MS4A2: variants seen among roughly 807,000 people sequenced by gnomAD.
The protein encoded by MS4A2 is membrane spanning 4-domains A2.
A neutral mutation model predicts 27.9 loss-of-function variants in MS4A2; 26 were observed. That is an observed-to-expected ratio of 0.93 (90% confidence interval 0.68 to 1.29). MS4A2 has a LOEUF of 1.29. Among genes scored for constraint, MS4A2 ranks in the 50% most tolerant of loss-of-function variants. MS4A2 has a pLI of 0.00. For synonymous variants in MS4A2, 110 were observed against 98.8 expected, an observed-to-expected ratio of 1.11 and a Z score of -0.67; for missense variants, 284 against 284.6, an observed-to-expected ratio of 1.00 and a Z score of 0.01.
chr11:60,089,884 TG>T, intron 2 of MS4A2, 63 bp downstream of exon 2: 1 of 1,598,838 alleles, frequency 6.3e-7, no homozygotes, highest in African/African-American at 1.3e-5. Context: ...AATATTGAGT[TG>T]CATCAACTGT....
At chr11:60,088,545 G>A (rs1397156309), upstream of MS4A2, 1 of 1,290,536 alleles carries the variant, frequency 7.7e-7, no homozygotes, top group East Asian at 2.8e-5. Flanking sequence ...TCTTTATTTA[G>A]TAGACTTCTT....
chr11:60,089,165 ATACT>A (rs1855711152), intron 1 of MS4A2, among the ~76,000 whole-genome samples: 1 of 152,108 alleles, frequency 6.6e-6, no homozygotes, highest in African/African-American at 2.4e-5. Context: ...GCTTTTATAA[ATACT>A]TGATAAAGTA....
rs1855883958 is a variant in MS4A2 at position 60,097,175 on chromosome 11, A to G, written c.*1519A>G. 1.3e-5 allele frequency: 2 copies of G among 152,248 alleles called. No homozygotes were observed. The highest frequency in any genetic ancestry group is 2.1e-4 in the South Asian group (1 of 4,838). 9.4% of individuals were successfully genotyped at this position (152,248 alleles called of 1,614,324 possible). A position where few individuals can be genotyped will look rare whatever the true frequency, so the allele number is the denominator to read the frequency against. Reference sequence around the variant, plus strand: ...AAGCTAAGCTAAACTTCACATGCCTATAATTGGAGGGAAAAACTAAGGATA... The same window carrying G: ...AAGCTAAGCTAAACTTCACATGCCTGTAATTGGAGGGAAAAACTAAGGATA... On this transcript the variant is annotated 3_prime_UTR_variant, in exon 7 of 7. Coordinates refer to ENST00000278888, the MANE Select transcript of MS4A2 (RefSeq NM_000139.5).
Position 60,097,295 on chromosome 11 carries a change from A to G in MS4A2, c.*1639A>G, listed in dbSNP as rs950651107. ...CAAAATAGAGAAAGATTAGATAAAG[A>G]GAAAATAAGTATCCATCAGAGACAG... On this transcript the variant is annotated 3_prime_UTR_variant, in exon 7 of 7. Coordinates refer to ENST00000278888, the MANE Select transcript of MS4A2 (RefSeq NM_000139.5). The G allele has an allele frequency of 1.3e-5, 2 of 152,236 alleles. No homozygotes were observed. Among genetic ancestry groups the G allele is most frequent in the African/African-American group, 4.8e-5 (2 of 41,464 alleles). The allele number at this position is 152,236 out of a possible 1,614,324, so 9.4% of individuals were successfully genotyped here.
At chr11:60,088,327 G>T (rs1474086663), upstream of MS4A2, 3 of 200,580 alleles carry the variant, frequency 1.5e-5, no homozygotes, top group Non-Finnish European at 3.0e-5. Flanking sequence ...TTTCAAAGGT[G>T]CAATTGGATA....
Position 60,088,769 on chromosome 11 carries a change from G to A in MS4A2, c.4G>A (p.Asp2Asn), listed in dbSNP as rs1299232939. ...GGACAGCTCGGTTAATGAAAAAATG[G>A]ACACAGAAAGTAATAGGAGAGCAAA... MDTESNRRANLA... is the reference protein window; with the variant it reads MNTESNRRANLA... Residue 2 changes from aspartate to asparagine, a missense_variant, in exon 1 of 7, where the codon GAC becomes AAC. By Grantham distance (23) the Asp-to-Asn change is conservative. Coordinates refer to ENST00000278888, the MANE Select transcript of MS4A2 (RefSeq NM_000139.5). 4.3e-6 allele frequency: 7 copies of A among 1,611,634 alleles called. No individual in the cohort carries two copies. In the South Asian group the frequency reaches 6.6e-5, roughly 15 times the overall value.
At chr11:60,095,186 C>T (rs986432279) in intron 6 of MS4A2, among the ~76,000 whole-genome samples, 6 of 152,120 alleles carry the variant, frequency 3.9e-5, no homozygotes, top group East Asian at 1.9e-4. Context: ...TGCTTGAACC[C>T]GGGAGGCGGA....
At position 60,098,256 on chromosome 11, in the gene MS4A2, C is replaced by T. The variant is rs549266897; in HGVS notation, c.*2600C>T. Reference sequence around the variant, plus strand: ...GGGGTTCTCTTCACACTATCACTGCCCCAAATTGTCTTTCTAAATTTCAAC... The same window carrying T: ...GGGGTTCTCTTCACACTATCACTGCTCCAAATTGTCTTTCTAAATTTCAAC... On this transcript the variant is annotated 3_prime_UTR_variant, in exon 7 of 7. Coordinates refer to ENST00000278888, the MANE Select transcript of MS4A2 (RefSeq NM_000139.5). 1 of 152,282 alleles carries T rather than the reference C, an allele frequency of 6.6e-6. No homozygotes were observed. Among genetic ancestry groups the T allele is most frequent in the African/African-American group, 2.4e-5 (1 of 41,546 alleles). The allele number at this position is 152,282 out of a possible 1,614,324, so 9.4% of individuals were successfully genotyped here. A position where few individuals can be genotyped will look rare whatever the true frequency, so the allele number is the denominator to read the frequency against.
chr11:60,094,859 G>A (rs1403169156), intron 6 of MS4A2, among the ~76,000 whole-genome samples: 3 of 152,084 alleles, frequency 2.0e-5, no homozygotes, highest in Non-Finnish European at 2.9e-5. Context: ...AAACAGAAAA[G>A]GAAACATTAG....
chr11:60,089,898 T>A, intron 2 of MS4A2, 77 bp downstream of exon 2: 1 of 1,583,072 alleles, frequency 6.3e-7, no homozygotes, highest in Non-Finnish European at 8.6e-7. Flanking sequence ...TCAACTGTTT[T>A]CCCACTTGGA....
intron 3 of MS4A2, 62 bp downstream of exon 3, chr11:60,090,532 G>C (rs1356333400): frequency 1.3e-6 from 2 of 1,499,326 alleles, no homozygotes; most frequent in South Asian, 1.2e-5. Flanking sequence ...CTCTTTCTCA[G>C]ATCTAACCAG....
Position 60,089,726 on chromosome 11 carries a change from C to G in MS4A2, c.91C>G (p.Gln31Glu). ...PAFEVLEISP[Q>E]EVSSGRLLKS... is the part of the protein sequence containing the mutation. ...ATTTGAAGTCTTGGAAATATCTCCC[C>G]AGGAAGTATCTTCAGGCAGACTATT... The change falls in exon 2 of 7, where the codon CAG becomes GAG. Residue 31 changes from glutamine to glutamate, a missense_variant. Coordinates refer to ENST00000278888, the MANE Select transcript of MS4A2 (RefSeq NM_000139.5). 1 of 1,614,168 alleles carries G rather than the reference C, an allele frequency of 6.2e-7. No homozygotes were observed. The highest frequency in any genetic ancestry group is 8.5e-7 in the Non-Finnish European group (1 of 1,180,014).
chr11:60,089,954 G>A (rs778051046), intron 2 of MS4A2, 133 bp downstream of exon 2: 5 of 1,173,880 alleles, frequency 4.3e-6, no homozygotes, highest in Non-Finnish European at 5.9e-6. Context: ...TAGATAAAGA[G>A]TTGACACTAA....
Position 60,095,690 on chromosome 11 carries a change from C to A in MS4A2, c.*34C>A. 1 of 1,459,476 alleles carries A rather than the reference C, an allele frequency of 6.9e-7. No individual in the cohort carries two copies. The highest frequency in any genetic ancestry group is 9.6e-7 in the Non-Finnish European group (1 of 1,039,552). The allele number at this position is 1,459,476 out of a possible 1,614,324, so 90.4% of individuals were successfully genotyped here. A position where few individuals can be genotyped will look rare whatever the true frequency, so the allele number is the denominator to read the frequency against. On this transcript the variant is annotated 3_prime_UTR_variant, in exon 7 of 7. Transcript: ENST00000278888. ...TGTCCAGAACACTCTGATTCACAGC[C>A]AAGGATCCAGAAGGCCAAGGTCTTG...
intron 4 of MS4A2, 108 bp from the exon 5 acceptor site, chr11:60,093,292 G>A (rs1044670240): frequency 7.0e-7 from 1 of 1,428,236 alleles, no homozygotes; most frequent in African/African-American, 1.4e-5. Context: ...CCAAAATTTG[G>A]AAGCAATGTG....
rs765437061 is a variant in MS4A2 at position 60,095,594 on chromosome 11, TA to T, written c.674del (p.Tyr225PhefsTer29). Reference protein sequence around the residue: ...EDRVYEELNIYSATYSELEDP... With the variant: ...EDRVYEELNIXSATYSELEDP... ...TCGTGTTTATGAAGAATTAAACATA[TA>T]TTCAGCTACTTACAGTGAGTTGGAA... On this transcript the variant is annotated frameshift_variant, in exon 7 of 7. Coordinates refer to ENST00000278888, the MANE Select transcript of MS4A2 (RefSeq NM_000139.5). LOFTEE classifies it high-confidence loss of function. 3 of 1,612,668 alleles carry T rather than the reference TA, an allele frequency of 1.9e-6. No homozygotes were observed. In the Admixed American group the frequency reaches 5.0e-5, roughly 27 times the overall value.
intron 6 of MS4A2, among the ~76,000 whole-genome samples, chr11:60,094,266 A>G (rs1027468010): frequency 2.0e-5 from 3 of 152,160 alleles, no homozygotes; most frequent in Admixed American, 6.5e-5. Context: ...ATCCCTCTGA[A>G]TGAGGGTTGG....
Position 60,092,718 on chromosome 11 carries a change from G to A in MS4A2, c.322-74G>A, listed in dbSNP as rs1855787627. The A allele has an allele frequency of 2.2e-6, 3 of 1,351,498 alleles. No individual in the cohort carries two copies. In the South Asian group the frequency reaches 3.6e-5, roughly 16 times the overall value. 83.7% of individuals were successfully genotyped at this position (1,351,498 alleles called of 1,614,324 possible). ...AGTACCCCAAATGTTACCTATGTTT[G>A]GAAGATGGGGTTAAAAAGGACACAT... On this transcript the variant is annotated intron_variant, in intron 3 of 6. Coordinates refer to ENST00000278888, the MANE Select transcript of MS4A2 (RefSeq NM_000139.5).
At position 60,098,156 on chromosome 11, in the gene MS4A2, ATCATTCTGAGAGTTGCCC is replaced by A. The variant is rs1486554520; in HGVS notation, c.*2501_*2518del. On this transcript the variant is annotated 3_prime_UTR_variant, in exon 7 of 7. Transcript: ENST00000278888. Reference sequence around the variant, plus strand: ...CACAATTTATGAATTTTTTCTCAAGATCATTCTGAGAGTTGCCCCACCCTACCTGCCTTTTATAGTATG... The same window carrying A: ...CACAATTTATGAATTTTTTCTCAAGACACCCTACCTGCCTTTTATAGTATG... 2.0e-5 allele frequency: 3 copies of A among 152,162 alleles called. No individual in the cohort carries two copies. The highest frequency in any genetic ancestry group is 7.2e-5 in the African/African-American group (3 of 41,434). The allele number at this position is 152,162 out of a possible 1,614,324, so 9.4% of individuals were successfully genotyped here.
Sources: gnomAD v4.1 joint callset for allele counts (sites outside exome capture counted in the v4.1 genomes callset) on GRCh38, gnomAD v4.1.1 for gene constraint, MANE v1.5 for transcripts, NCBI Gene and HGNC (gene_info 2026-07-23, HGNC 2026-07-21) for gene names.